ERBB4: variants seen among roughly 807,000 people sequenced by gnomAD.
ERBB4 encodes the protein erb-b2 receptor tyrosine kinase 4.
In ERBB4, 42 loss-of-function variants were observed where a neutral mutation model predicts 158.0. That is an observed-to-expected ratio of 0.27 (90% CI 0.21 to 0.34). The LOEUF is 0.34. ERBB4 is among the 10% of genes least tolerant of loss of function. The pLI is 1.00. For synonymous variants in ERBB4, 583 were observed against 558.7 expected (o/e 1.04, Z -0.61); for missense variants, 1,333 against 1,624.1 (o/e 0.82, Z 3.08).
chr2:211,705,526 T>G, intron 9 of ERBB4, 135 bp from the exon 10 acceptor site: 3 of 688,590 alleles, frequency 4.4e-6, no homozygotes, highest in East Asian at 5.4e-5. Context: ...TTTAAATTAA[T>G]CTGTGCTAGA....
rs2086744762 is a variant in ERBB4, at chr2:212,304,716, T to G, written c.83-179813A>C. Among the ~76,000 whole-genome samples the G allele has an allele frequency of 2.0e-5, 3 of 151,462 alleles. No homozygotes were observed. The South Asian group carries it at 6.2e-4, about 31-fold the overall frequency. ...TGGCCATTTTCCACCCTGTAAGGTT[T>G]CCATATTTAGTCCTCAAGAACCTGA... On this transcript the variant is annotated intron_variant, in intron 1 of 27. Transcript: ENST00000342788.
rs1226423778 is a variant in ERBB4, at chr2:211,422,021, A to T, written c.2950T>A (p.Tyr984Asn). ...AATGTACTCACCTGAATAACTAGGT[A>T]TCTTTGAGGGTCTCGAGCCATCCTT... ...FSRMARDPQR[Y>N]LVIQGDDRMK... Residue 984 changes from tyrosine to asparagine, a missense_variant, in exon 24 of 28, where the codon TAC becomes AAC. This residue lies in a region of ERBB4 where 314 missense variants were observed against 437.6 expected (regional missense o/e 0.72). Transcript: ENST00000342788. 2 of 1,608,044 alleles carry T rather than the reference A, an allele frequency of 1.2e-6. No homozygotes were observed. The highest frequency in any genetic ancestry group is 1.7e-6 in the Non-Finnish European group (2 of 1,174,682).
Position 212,263,817 on chromosome 2 carries a change from AT to A in ERBB4, c.83-138915del, listed in dbSNP as rs1292074668. Among the ~76,000 whole-genome samples, 4 of 151,782 alleles carry A rather than the reference AT, an allele frequency of 2.6e-5. No individual in the cohort carries two copies. The East Asian group carries it at 7.7e-4, about 29-fold the overall frequency. ...AACTTTCCATTTTTCCTTTTTTTTCATAATTAGATTCTCTCACATTCTCTCT... is the reference window on the plus strand; with the variant it reads ...AACTTTCCATTTTTCCTTTTTTTTCAAATTAGATTCTCTCACATTCTCTCT... On this transcript the variant is annotated intron_variant, in intron 1 of 27. Coordinates refer to ENST00000342788, the MANE Select transcript of ERBB4 (RefSeq NM_005235.3).
rs539118098 is a variant in ERBB4, at chr2:211,996,201, T to A, written c.235-48585A>T. On this transcript the variant is annotated intron_variant, in intron 2 of 27. Transcript: ENST00000342788. ...AATAGTCTTACCATATAGATTTTTT[T>A]ATAGAATTTTGTCATTTGTCATGCA... is the stretch of plus-strand genomic sequence containing the variant. 1.4e-4 allele frequency among the ~76,000 whole-genome samples: 22 copies of A among 152,292 alleles called. 1 individual carries two copies. The highest frequency in any genetic ancestry group is 4.3e-4 in the African/African-American group (18 of 41,566).
chr2:212,155,423 T>C (rs1457957210), intron 1 of ERBB4, among the ~76,000 whole-genome samples: 2 of 152,112 alleles, frequency 1.3e-5, no homozygotes, highest in Non-Finnish European at 2.9e-5. Flanking sequence ...TCTCAAAAGA[T>C]GATTCTAGAA....
At chr2:212,297,912 AT>A (rs1273380091) in intron 1 of ERBB4, among the ~76,000 whole-genome samples, 3 of 151,766 alleles carry the variant, frequency 2.0e-5, no homozygotes, top group Admixed American at 1.3e-4. Context: ...AAATATTTGA[AT>A]TTTGAAATAA....
At position 211,969,683 on chromosome 2, in the gene ERBB4, T is replaced by A. The variant is rs141149640; in HGVS notation, c.235-22067A>T. Among the ~76,000 whole-genome samples, 1,136 of 152,148 alleles carry A rather than the reference T, an allele frequency of 7.5e-3. 14 individuals are homozygous for A. The highest frequency in any genetic ancestry group is 0.025 in the African/African-American group (1,045 of 41,558). ...GACTTCTCTCTGGATAAGTTTCAAATTTTTTATTTGCATTTTAAAAAACCA... is the reference window on the plus strand; with the variant it reads ...GACTTCTCTCTGGATAAGTTTCAAAATTTTTATTTGCATTTTAAAAAACCA... On this transcript the variant is annotated intron_variant, in intron 2 of 27. Transcript: ENST00000342788.
rs533920132 is a variant in ERBB4, at chr2:211,989,444, A to G, written c.235-41828T>C. ...AACACTGTTATTTAAGATTCATCCT[A>G]TGTTTCAATAATTATAATTGTTTCT... On this transcript the variant is annotated intron_variant, in intron 2 of 27. Transcript: ENST00000342788. Among the ~76,000 whole-genome samples the G allele has an allele frequency of 1.1e-4, 16 of 152,040 alleles. No individual in the cohort carries two copies. In the South Asian group the frequency reaches 2.5e-3, roughly 24 times the overall value.
intron 3 of ERBB4, among the ~76,000 whole-genome samples, chr2:211,921,844 G>A (rs900364469): frequency 6.6e-6 from 1 of 152,028 alleles, no homozygotes; most frequent in Non-Finnish European, 1.5e-5. Flanking sequence ...CTATTCTAAG[G>A]TGCACACCTT....
At chr2:212,392,836 G>A (rs568930886) in intron 1 of ERBB4, among the ~76,000 whole-genome samples, 7 of 152,140 alleles carry the variant, frequency 4.6e-5, no homozygotes, top group African/African-American at 1.7e-4. Context: ...TCTCTGCTAA[G>A]ATGATATTCT....
At chr2:212,465,431 G>T (rs1177564189) in intron 1 of ERBB4, among the ~76,000 whole-genome samples, 1 of 152,120 alleles carries the variant, frequency 6.6e-6, no homozygotes. Context: ...AGCAGAATCA[G>T]AATGACAATG....
At chr2:212,170,606 C>T (rs541395806) in intron 1 of ERBB4, among the ~76,000 whole-genome samples, 91 of 152,274 alleles carry the variant, frequency 6.0e-4, no homozygotes, top group African/African-American at 2.1e-3. Flanking sequence ...GGCTGGGCCC[C>T]AGGCCTTGCA....
At chr2:211,553,853 A>G (rs574533429) in intron 20 of ERBB4, among the ~76,000 whole-genome samples, 5 of 152,334 alleles carry the variant, frequency 3.3e-5, no homozygotes, top group African/African-American at 1.2e-4. Context: ...TGTAATTAGT[A>G]TCTATGACCC....
chr2:212,488,045 A>C (rs1174398431), intron 1 of ERBB4, among the ~76,000 whole-genome samples: 1 of 152,150 alleles, frequency 6.6e-6, no homozygotes, highest in African/African-American at 2.4e-5. Flanking sequence ...CCTCCAAATC[A>C]GTCCTCTGAA....
intron 1 of ERBB4, among the ~76,000 whole-genome samples, chr2:212,350,514 C>G (rs879769058): frequency 1.3e-5 from 2 of 151,968 alleles, no homozygotes; most frequent in Admixed American, 1.3e-4. Flanking sequence ...AAACATGTGC[C>G]AACTAAAAGA....
At chr2:212,112,726 T>C (rs1277034861) in intron 2 of ERBB4, among the ~76,000 whole-genome samples, 1 of 152,200 alleles carries the variant, frequency 6.6e-6, no homozygotes, top group Non-Finnish European at 1.5e-5. Context: ...GGAGATGGTG[T>C]TAGGCATAAA....
At chr2:212,536,344 G>A (rs1386310985) in intron 1 of ERBB4, among the ~76,000 whole-genome samples, 1 of 152,120 alleles carries the variant, frequency 6.6e-6, no homozygotes, top group East Asian at 1.9e-4. Context: ...AAGTCCCCCG[G>A]GGCATTTACA....
At chr2:211,740,622 C>CTTTTTTTTTTTTTTTTTTTTT (rs1169540948) in intron 5 of ERBB4, among the ~76,000 whole-genome samples, 4 of 90,174 alleles carry the variant, frequency 4.4e-5, no homozygotes, top group Admixed American at 4.2e-4. Flanking sequence ...TTTTCTTTGT[C>CTTTTTTTTTTTTTTTTTTTTT]TTTTTTTTTT....
intron 1 of ERBB4, among the ~76,000 whole-genome samples, chr2:212,365,958 T>C (rs1376961597): frequency 1.3e-5 from 2 of 151,846 alleles, no homozygotes; most frequent in Admixed American, 6.6e-5. Context: ...AAGCATATAG[T>C]AGAAAAATAT....
Sources: gnomAD v4.1 joint callset for allele counts (sites outside exome capture counted in the v4.1 genomes callset) on GRCh38, gnomAD v4.1.1 for gene constraint, gnomAD v4.1.1 regional missense constraint, MANE v1.5 for transcripts, NCBI Gene and HGNC (gene_info 2026-07-23, HGNC 2026-07-21) for gene names.